KCNIP4: variants seen among roughly 807,000 people sequenced by gnomAD.
KCNIP4 encodes the protein Kv channel-interacting protein 4.
A neutral mutation model predicts 34.0 loss-of-function variants in KCNIP4; 12 were observed. The ratio of observed to expected loss-of-function variants is 0.35; its 90% confidence interval spans 0.23 to 0.57. The LOEUF is 0.57. Among genes scored for constraint, KCNIP4 ranks in the 20% least tolerant of loss-of-function variants. The probability of loss-of-function intolerance (pLI) is 0.83; values close to 1 mark genes in which losing one functional copy is unlikely to be tolerated. For missense variants in KCNIP4, 238 were observed against 311.7 expected (o/e 0.76, Z 1.78); for synonymous variants, 124 against 102.2 (o/e 1.21, Z -1.29).
At chr4:21,702,795 C>G (rs915223147) in intron 1 of KCNIP4, among the ~76,000 whole-genome samples, 2 of 151,936 alleles carry the variant, frequency 1.3e-5, no homozygotes, top group African/African-American at 4.8e-5. Context: ...AAGACAATAT[C>G]ACAGAAAAGT....
intron 1 of KCNIP4, among the ~76,000 whole-genome samples, chr4:21,483,230 A>AAT (rs61650696): frequency 0.069 from 10,451 of 150,486 alleles, 421 homozygotes; most frequent in Non-Finnish European, 0.093. Context: ...GTATAATTTA[A>AAT]ATATATATAT....
chr4:21,249,344 TC>T (rs1282883664), intron 1 of KCNIP4, among the ~76,000 whole-genome samples: 1 of 152,116 alleles, frequency 6.6e-6, no homozygotes, highest in Non-Finnish European at 1.5e-5. Context: ...CACTCTCTCT[TC>T]CGATGCATTA....
At chr4:21,599,871 G>A (rs1300833439) in intron 1 of KCNIP4, among the ~76,000 whole-genome samples, 2 of 152,060 alleles carry the variant, frequency 1.3e-5, no homozygotes, top group African/African-American at 4.8e-5. Context: ...AGGCCCAAAG[G>A]AAGTTGTAGG....
chr4:21,719,303 T>C (rs1186325813), intron 1 of KCNIP4, among the ~76,000 whole-genome samples: 1 of 152,010 alleles, frequency 6.6e-6, no homozygotes, highest in East Asian at 1.9e-4. Flanking sequence ...CATGAAGAAA[T>C]ATAGAGGAGT....
chr4:21,566,968 A>G (rs1739944741), intron 1 of KCNIP4, among the ~76,000 whole-genome samples: 2 of 152,174 alleles, frequency 1.3e-5, no homozygotes. Context: ...TAAATCAGAA[A>G]AGAACTGCCA....
chr4:21,810,602 A>G (rs941341118), intron 1 of KCNIP4, among the ~76,000 whole-genome samples: 1 of 150,678 alleles, frequency 6.6e-6, no homozygotes, highest in Non-Finnish European at 1.5e-5. Context: ...AGGCAGGAGA[A>G]TGGCATAAAC....
rs1396111195 is a variant in KCNIP4 at position 21,247,908 on chromosome 4, T to C, written c.62-365199A>G. Among the ~76,000 whole-genome samples the C allele has an allele frequency of 8.4e-4, 110 of 130,914 alleles. 2 individuals are homozygous for C. Among genetic ancestry groups the C allele is most frequent in the South Asian group, 6.6e-3 (29 of 4,374 alleles). 85.9% of individuals were successfully genotyped at this position (130,914 alleles called of 152,430 possible). On this transcript the variant is annotated intron_variant, in intron 1 of 8. Transcript: ENST00000382152. ...CCACAGGTAGATATATATATATATA[T>C]ACACACACACACATATATATATACA...
chr4:21,712,163 G>A (rs187001500), intron 1 of KCNIP4, among the ~76,000 whole-genome samples: 1 of 152,090 alleles, frequency 6.6e-6, no homozygotes, highest in Non-Finnish European at 1.5e-5. Context: ...CACTTACTTA[G>A]AGCAATAATA....
chr4:21,838,879 T>C (rs1723507522), intron 1 of KCNIP4, among the ~76,000 whole-genome samples: 1 of 152,232 alleles, frequency 6.6e-6, no homozygotes, highest in African/African-American at 2.4e-5. Context: ...CTCTTGAATA[T>C]CTCATTCCCT....
intron 1 of KCNIP4, among the ~76,000 whole-genome samples, chr4:21,803,099 C>A (rs954948055): frequency 1.3e-5 from 2 of 152,088 alleles, no homozygotes; most frequent in African/African-American, 4.8e-5. Context: ...AGAAGACAGA[C>A]AAAGTGAATT....
intron 4 of KCNIP4, among the ~76,000 whole-genome samples, chr4:20,755,000 C>T (rs1027922912): frequency 3.9e-5 from 6 of 151,992 alleles, no homozygotes; most frequent in Non-Finnish European, 7.4e-5. Flanking sequence ...TTTAGAAAAA[C>T]ATGAGGTAGT....
chr4:21,086,892 C>A (rs887249065), intron 1 of KCNIP4, among the ~76,000 whole-genome samples: 1 of 151,138 alleles, frequency 6.6e-6, no homozygotes, highest in Non-Finnish European at 1.5e-5. Context: ...CTCCGTCCCT[C>A]CCTTCTTTCT....
chr4:21,426,286 G>A (rs1421700792), intron 1 of KCNIP4, among the ~76,000 whole-genome samples: 7 of 152,152 alleles, frequency 4.6e-5, no homozygotes, highest in Non-Finnish European at 1.0e-4. Context: ...GACACATGGA[G>A]TCTTTCGGGT....
intron 1 of KCNIP4, among the ~76,000 whole-genome samples, chr4:21,595,167 G>A (rs1248033856): frequency 2.6e-5 from 4 of 151,972 alleles, no homozygotes; most frequent in African/African-American, 9.7e-5. Context: ...ACAGGCCCCA[G>A]TGTGTGATGT....
At chr4:21,771,905 AC>A (rs375979106) in intron 1 of KCNIP4, among the ~76,000 whole-genome samples, 45 of 152,158 alleles carry the variant, frequency 3.0e-4, no homozygotes, top group African/African-American at 9.4e-4. Context: ...CTATTTGAAT[AC>A]CCTTTAATTC....
chr4:21,922,028 A>G (rs1728966686), intron 1 of KCNIP4, among the ~76,000 whole-genome samples: 2 of 152,066 alleles, frequency 1.3e-5, no homozygotes, highest in Non-Finnish European at 2.9e-5. Flanking sequence ...CTCACTCCCT[A>G]TGTGATAACT....
chr4:20,942,542 C>A (rs535573316), intron 1 of KCNIP4, among the ~76,000 whole-genome samples: 2 of 152,142 alleles, frequency 1.3e-5, no homozygotes, highest in Admixed American at 1.3e-4. Flanking sequence ...ACAACTATGA[C>A]GTAGGGCCAT....
At chr4:20,738,195 C>T (rs1012099129) in intron 5 of KCNIP4, among the ~76,000 whole-genome samples, 1 of 151,924 alleles carries the variant, frequency 6.6e-6, no homozygotes, top group African/African-American at 2.4e-5. Flanking sequence ...AACATAGAGC[C>T]TTATTCAAGG....
chr4:21,104,108 G>A (rs1298173393), intron 1 of KCNIP4, among the ~76,000 whole-genome samples: 1 of 152,066 alleles, frequency 6.6e-6, no homozygotes, highest in Non-Finnish European at 1.5e-5. Context: ...CCAGTAATGG[G>A]ATGGCTGGGT....
Sources: gnomAD v4.1 joint callset for allele counts (sites outside exome capture counted in the v4.1 genomes callset) on GRCh38, gnomAD v4.1.1 for gene constraint, MANE v1.5 for transcripts, NCBI Gene and HGNC (gene_info 2026-07-23, HGNC 2026-07-21) for gene names.